DLG2: variants seen among roughly 807,000 people sequenced by gnomAD.
DLG2 encodes disks large homolog 2.
DLG2 carries 45 observed loss-of-function variants against 132.5 expected under a neutral mutation model. The ratio of observed to expected loss-of-function variants is 0.34; its 90% CI spans 0.27 to 0.44. DLG2 has a LOEUF of 0.44. DLG2 is among the 20% of genes least tolerant of loss of function. The pLI is 1.00. For synonymous variants in DLG2, 424 were observed against 419.6 expected (o/e 1.01, Z -0.13); for missense variants, 1,045 against 1,196.9 (o/e 0.87, Z 1.87).
intron 10 of DLG2, among the ~76,000 whole-genome samples, chr11:84,078,744 G>T (rs781190406): frequency 2.1e-4 from 32 of 152,150 alleles, no homozygotes; most frequent in Admixed American, 4.6e-4. Context: ...TCAGGACTAA[G>T]TCCTAGCTTC....
intron 3 of DLG2, among the ~76,000 whole-genome samples, chr11:85,291,585 C>CTTTTTTTTTTTTTTTTTTTTTTTTTT (rs11436726): frequency 7.2e-6 from 1 of 138,786 alleles, no homozygotes; most frequent in Non-Finnish European, 1.5e-5. Flanking sequence ...GGATTCTCTT[C>CTTTTTTTTTTTTTTTTTTTTTTTTTT]TTTTTTTTTT....
At chr11:84,276,742 G>A (rs145157853) in intron 7 of DLG2, among the ~76,000 whole-genome samples, 84 of 152,186 alleles carry the variant, frequency 5.5e-4, no homozygotes, top group African/African-American at 7.0e-4. Context: ...AATACCTAAC[G>A]GTACCTTTGT....
rs145796547 is a variant in DLG2 at position 83,465,101 on chromosome 11, A to T, written c.2729+1607T>A. Among the ~76,000 whole-genome samples the T allele has an allele frequency of 6.9e-3, 1,044 of 152,268 alleles. 13 individuals carry two copies. The highest frequency in any genetic ancestry group is 0.024 in the African/African-American group (998 of 41,560). On this transcript the variant is annotated intron_variant, in intron 26 of 27. Coordinates refer to ENST00000376104, the MANE Select transcript of DLG2 (RefSeq NM_001142699.3). ...ATTAGTACATATTTTTCCATGTGCC[A>T]GCCATGGGAAAAACTCTTTATATTA...
chr11:84,815,297 A>G (rs1943525), intron 6 of DLG2, among the ~76,000 whole-genome samples: 84,632 of 151,914 alleles, frequency 0.56, 25,076 homozygotes, highest in Non-Finnish European at 0.69. Flanking sequence ...TAGAGAAACT[A>G]GAAGAAATTG....
At chr11:84,502,230 CCTTCCTTCCTTCCTTCCT>C (rs2099213354) in intron 7 of DLG2, among the ~76,000 whole-genome samples, 1 of 22,204 alleles carries the variant, frequency 4.5e-5, no homozygotes, top group Non-Finnish European at 8.0e-5. Context: ...TTCCTTCCTT[CCTTCCTTCCTTCCTTCCT>C]TCCTTCCTTC....
intron 15 of DLG2, among the ~76,000 whole-genome samples, chr11:83,879,114 G>A (rs1288327506): frequency 6.6e-6 from 1 of 152,148 alleles, no homozygotes; most frequent in Admixed American, 6.6e-5. Context: ...TTGAGCATCT[G>A]AATTGAAATT....
intron 4 of DLG2, among the ~76,000 whole-genome samples, chr11:85,240,076 T>C (rs1428510333): frequency 2.0e-5 from 3 of 151,956 alleles, no homozygotes; most frequent in Non-Finnish European, 4.4e-5. Context: ...GTTTTTATTT[T>C]ATTCCCATCT....
chr11:85,208,574 T>C (rs1160301740), intron 4 of DLG2, among the ~76,000 whole-genome samples: 8 of 152,318 alleles, frequency 5.3e-5, no homozygotes, highest in African/African-American at 1.9e-4. Flanking sequence ...TTATTATGTG[T>C]TCTTTCCATT....
intron 3 of DLG2, among the ~76,000 whole-genome samples, chr11:85,442,262 G>A (rs2091818755): frequency 6.6e-6 from 1 of 152,140 alleles, no homozygotes; most frequent in South Asian, 2.1e-4. Flanking sequence ...TGGTAAAAAT[G>A]GATACCAGGA....
At chr11:84,263,215 A>G (rs2097569971) in intron 7 of DLG2, among the ~76,000 whole-genome samples, 1 of 152,206 alleles carries the variant, frequency 6.6e-6, no homozygotes, top group African/African-American at 2.4e-5. Flanking sequence ...TCATCCTGCT[A>G]GGAAATACTG....
At chr11:84,600,858 T>C (rs1468142801) in intron 6 of DLG2, among the ~76,000 whole-genome samples, 1 of 152,194 alleles carries the variant, frequency 6.6e-6, no homozygotes, top group African/African-American at 2.4e-5. Context: ...TAATTGCCTT[T>C]TACAACTTAT....
intron 15 of DLG2, among the ~76,000 whole-genome samples, chr11:83,921,128 T>C (rs143110572): frequency 6.6e-6 from 1 of 152,240 alleles, no homozygotes; most frequent in East Asian, 1.9e-4. Flanking sequence ...TAATAACACA[T>C]ACCTCCCTGG....
intron 21 of DLG2, among the ~76,000 whole-genome samples, chr11:83,509,103 TTAAG>T (rs1332370254): frequency 6.6e-6 from 1 of 151,494 alleles, no homozygotes; most frequent in African/African-American, 2.5e-5. Context: ...CAGGCATTTG[TTAAG>T]TAAGGAAAGT....
intron 16 of DLG2, among the ~76,000 whole-genome samples, chr11:83,870,197 T>C (rs117703783): frequency 0.022 from 3,383 of 152,304 alleles, 68 homozygotes; most frequent in South Asian, 0.064. Context: ...TATTCCACAG[T>C]GGTGAAGCCT....
At chr11:83,819,721 G>A (rs2050208532) in intron 17 of DLG2, among the ~76,000 whole-genome samples, 1 of 152,002 alleles carries the variant, frequency 6.6e-6, no homozygotes, top group Non-Finnish European at 1.5e-5. Flanking sequence ...GAAAGATTCT[G>A]AACATAGAGA....
intron 7 of DLG2, among the ~76,000 whole-genome samples, chr11:84,422,191 T>C (rs993880870): frequency 6.6e-6 from 1 of 152,226 alleles, no homozygotes; most frequent in African/African-American, 2.4e-5. Context: ...TTCTAATTAC[T>C]ACTTATTATA....
intron 6 of DLG2, among the ~76,000 whole-genome samples, chr11:84,957,685 C>A (rs1394431110): frequency 6.6e-6 from 1 of 152,170 alleles, no homozygotes; most frequent in African/African-American, 2.4e-5. Context: ...AGAAGAGTCC[C>A]TTGCATCTAG....
At chr11:84,505,641 T>C (rs1001739474) in intron 7 of DLG2, among the ~76,000 whole-genome samples, 2 of 152,208 alleles carry the variant, frequency 1.3e-5, no homozygotes. Flanking sequence ...TGTGATAAGA[T>C]GTTTCTAGGC....
At chr11:84,429,951 T>G (rs2098979017) in intron 7 of DLG2, among the ~76,000 whole-genome samples, 1 of 152,200 alleles carries the variant, frequency 6.6e-6, no homozygotes, top group African/African-American at 2.4e-5. Context: ...AAGTCAGGTC[T>G]CATTTCCAGC....
Sources: allele counts gnomAD v4.1 joint callset (sites outside exome capture counted in the v4.1 genomes callset), GRCh38; gene constraint gnomAD v4.1.1; transcripts MANE v1.5; gene names NCBI Gene and HGNC (gene_info 2026-07-23, HGNC 2026-07-21).